The following UEVLD variants were observed in gnomAD, a reference collection of about 807,000 sequenced individuals.
The protein encoded by UEVLD is ubiquitin-conjugating enzyme E2 variant 3.
In UEVLD, 47 loss-of-function variants were observed where a neutral mutation model predicts 58.6. The observed-to-expected ratio is 0.80, with a 90% confidence interval of 0.63 to 1.02. The LOEUF (loss-of-function observed/expected upper bound fraction) is 1.02, where lower values mean the gene tolerates loss of function less well. UEVLD is among the 50% of genes least tolerant of loss of function. UEVLD has a pLI of 0.00. For missense variants in UEVLD, 510 were observed against 550.6 expected (o/e 0.93, Z 0.74); for synonymous variants, 197 against 195.3 (o/e 1.01, Z -0.07).
chr11:18,546,085 A>T (rs977165673), intron 8 of UEVLD, among the ~76,000 whole-genome samples: 7 of 152,140 alleles, frequency 4.6e-5, no homozygotes, highest in South Asian at 2.1e-4. Context: ...GGGAACATTT[A>T]AAAAAAATCT....
Position 18,558,259 on chromosome 11 carries a change from G to T in UEVLD, c.684C>A (p.Ile228=), listed in dbSNP as rs1398494546. The T allele has an allele frequency of 6.2e-7, 1 of 1,612,980 alleles. No individual in the cohort carries two copies. The highest frequency in any genetic ancestry group is 1.1e-5 in the South Asian group (1 of 90,696). ...GTKGATMDLE[I]FNLPNVEISK... is the part of the protein sequence containing the mutation. ...TGATCTCCACATTAGGAAGGTTGAA[G>T]ATTTCAAGGTCCATCGTGGCTCCTT... is the stretch of plus-strand genomic sequence containing the variant. Residue 228 remains isoleucine, a synonymous_variant, in exon 7 of 12, where the codon ATC becomes ATA. Transcript: ENST00000396197.
chr11:18,544,499 G>A (rs957243606), intron 9 of UEVLD, 124 bp downstream of exon 9: 12 of 970,032 alleles, frequency 1.2e-5, no homozygotes, highest in Non-Finnish European at 1.5e-5. Context: ...GTAGAGATGG[G>A]GTCTTGCTAT....
At chr11:18,577,580 G>GAGCC (rs2134057339) in intron 2 of UEVLD, among the ~76,000 whole-genome samples, 1 of 152,196 alleles carries the variant, frequency 6.6e-6, no homozygotes, top group Non-Finnish European at 1.5e-5. Flanking sequence ...CTTCATAAAA[G>GAGCC]AGCCCATGGT....
chr11:18,542,022 A>G (rs138431859), intron 9 of UEVLD, among the ~76,000 whole-genome samples: 119 of 152,258 alleles, frequency 7.8e-4, no homozygotes, highest in African/African-American at 2.8e-3. Context: ...TTGGGAAGAA[A>G]GATTAGGGTT....
chr11:18,563,691 A>T, intron 6 of UEVLD: 4 of 985,698 alleles, frequency 4.1e-6, no homozygotes, highest in Non-Finnish European at 4.8e-6. Context: ...AAGACTGAAT[A>T]CAACTCAAAT....
intron 1 of UEVLD, among the ~76,000 whole-genome samples, chr11:18,582,887 G>T (rs1853317069): frequency 6.6e-6 from 1 of 152,006 alleles, no homozygotes. Context: ...TTTTAAATTT[G>T]CCTGCTGCAC....
At chr11:18,537,324 A>ATAT (rs1160942409) in intron 9 of UEVLD, among the ~76,000 whole-genome samples, 7,777 of 131,482 alleles carry the variant, frequency 0.059, 307 homozygotes, top group South Asian at 0.14. Context: ...ATATATATAT[A>ATAT]TTTTTTTTTT....
chr11:18,560,090 T>TACAC (rs71050609), intron 6 of UEVLD, among the ~76,000 whole-genome samples: 1,461 of 76,072 alleles, frequency 0.019, 66 homozygotes, highest in Non-Finnish European at 0.023. Flanking sequence ...ACCCCGTCTC[T>TACAC]ACACACACAC....
At chr11:18,584,838 G>T (rs1853457905) in intron 1 of UEVLD, among the ~76,000 whole-genome samples, 1 of 152,082 alleles carries the variant, frequency 6.6e-6, no homozygotes. Context: ...TCACTATGTT[G>T]GCCAGGCTGG....
At chr11:18,580,611 T>G (rs1853188292) in intron 1 of UEVLD, among the ~76,000 whole-genome samples, 1 of 142,746 alleles carries the variant, frequency 7.0e-6, no homozygotes, top group Non-Finnish European at 1.5e-5. Context: ...ACACAGGAAG[T>G]GCCTGCCTCT....
At chr11:18,541,252 T>C (rs1230019507) in intron 9 of UEVLD, among the ~76,000 whole-genome samples, 3 of 152,246 alleles carry the variant, frequency 2.0e-5, no homozygotes, top group Non-Finnish European at 4.4e-5. Flanking sequence ...AAGTAAATTA[T>C]GGTATATCCA....
chr11:18,578,706 A>G lies in UEVLD; in HGVS notation c.127+18T>C, dbSNP rs1853066303. ...GTTCAAATAATGCAGCATTTAAACT[A>G]GAGGATATGATTCTTACCATAGGTG... On this transcript the variant is annotated intron_variant, in intron 2 of 11. Coordinates refer to ENST00000396197, the MANE Select transcript of UEVLD (RefSeq NM_001040697.4). 1 of 1,562,970 alleles carries G rather than the reference A, an allele frequency of 6.4e-7. No homozygotes were observed. The highest frequency in any genetic ancestry group is 1.8e-5 in the Admixed American group (1 of 55,036).
chr11:18,578,796 C>T lies in UEVLD; in HGVS notation c.55G>A (p.Asp19Asn). The change falls in exon 2 of 12, where the codon GAC (aspartate) becomes AAC (asparagine). Residue 19 changes from aspartate (D) to asparagine (N), a missense_variant. Asp to Asn is a conservative substitution (Grantham distance 23). Transcript: ENST00000396197. ...RRLLGKYKFR[D>N]LTVEELRNVN... ...TTCCTTAGTTCTTCCACAGTTAGGT[C>T]CCTGAACTTGTACTGAAAAGAGAAA... 6.2e-7 allele frequency: 1 copy of T among 1,602,140 alleles called. No homozygotes were observed. Among genetic ancestry groups the T allele is most frequent in the South Asian group, 1.1e-5 (1 of 88,434 alleles).
At chr11:18,559,944 C>G (rs1851932899) in intron 6 of UEVLD, among the ~76,000 whole-genome samples, 1 of 151,996 alleles carries the variant, frequency 6.6e-6, no homozygotes. Context: ...GACTATCAGA[C>G]AGAAAGTGTG....
At chr11:18,587,858 GTCT>G (rs1853661719) in intron 1 of UEVLD, 1 of 152,002 alleles carries the variant, frequency 6.6e-6, no homozygotes, top group Non-Finnish European at 1.5e-5. Flanking sequence ...GTGAAAACTA[GTCT>G]TCTTAACTAG....
intron 3 of UEVLD, among the ~76,000 whole-genome samples, chr11:18,572,377 T>C (rs1852668705): frequency 6.6e-6 from 1 of 152,262 alleles, no homozygotes; most frequent in African/African-American, 2.4e-5. Flanking sequence ...TAAGGTAATA[T>C]TAACAGAAGT....
At chr11:18,553,574 T>C (rs1169010009) in intron 7 of UEVLD, among the ~76,000 whole-genome samples, 1 of 152,172 alleles carries the variant, frequency 6.6e-6, no homozygotes, top group Non-Finnish European at 1.5e-5. Context: ...TGAATGTTCA[T>C]AGTAGCACTA....
intron 1 of UEVLD, among the ~76,000 whole-genome samples, chr11:18,580,649 G>GAAA (rs1305104423): frequency 1.1e-5 from 1 of 89,716 alleles, no homozygotes; most frequent in South Asian, 3.1e-4. Context: ...GTGCTTCCCA[G>GAAA]AAAAAAAAAA....
chr11:18,571,099 T>A (rs532351828), intron 3 of UEVLD, among the ~76,000 whole-genome samples: 28 of 152,056 alleles, frequency 1.8e-4, no homozygotes, highest in Middle Eastern at 3.2e-3. Context: ...ACACCTGTAA[T>A]CCCAGCACTT....
Sources: allele counts gnomAD v4.1 joint callset (sites outside exome capture counted in the v4.1 genomes callset), GRCh38; gene constraint gnomAD v4.1.1; transcripts MANE v1.5; gene names NCBI Gene and HGNC (gene_info 2026-07-23, HGNC 2026-07-21).